Variants in PKHD1 observed in about 807,000 individuals in gnomAD.
PKHD1 encodes fibrocystin.
Under a neutral mutation model 412.0 loss-of-function variants are expected in PKHD1, and 291 were observed. The ratio of observed to expected loss-of-function variants is 0.71; its 90% CI spans 0.64 to 0.78. The LOEUF is 0.78. Among genes scored for constraint, PKHD1 ranks in the 30% least tolerant of loss-of-function variants. PKHD1 has a pLI of 0.00. For synonymous variants in PKHD1, 1,777 were observed against 1,821.5 expected, an observed-to-expected ratio of 0.98 and a Z score of 0.62; for missense variants, 4,825 against 4,950.7, an observed-to-expected ratio of 0.97 and a Z score of 0.76.
At chr6:51,730,290 C>A (rs1319043301) in intron 60 of PKHD1, among the ~76,000 whole-genome samples, 12 of 152,076 alleles carry the variant, frequency 7.9e-5, no homozygotes, top group Non-Finnish European at 1.8e-4. Flanking sequence ...AGAAGTATCC[C>A]TGTAACTCTA....
chr6:51,682,095 G>C, intron 60 of PKHD1: 1 of 376,788 alleles, frequency 2.7e-6, no homozygotes, highest in Non-Finnish European at 5.4e-6. Flanking sequence ...CAGCATCAGG[G>C]TAGACTAGGT....
chr6:51,769,704 G>A (rs940326355), intron 55 of PKHD1, among the ~76,000 whole-genome samples: 19 of 150,330 alleles, frequency 1.3e-4, no homozygotes, highest in African/African-American at 4.4e-4. Context: ...AATCTTCTTT[G>A]TTTAGAAGAA....
chr6:51,688,210 T>C (rs1044571083), intron 60 of PKHD1, among the ~76,000 whole-genome samples: 1 of 152,230 alleles, frequency 6.6e-6, no homozygotes, highest in East Asian at 1.9e-4. Context: ...CTTCACAGAA[T>C]GAATCAGTAC....
intron 37 of PKHD1, among the ~76,000 whole-genome samples, chr6:51,918,344 C>T (rs927944737): frequency 2.0e-5 from 3 of 152,052 alleles, no homozygotes; most frequent in African/African-American, 7.2e-5. Flanking sequence ...GCTCTCTTTC[C>T]CCTTGCCCCC....
At chr6:51,807,501 G>A (rs1157361023) in intron 52 of PKHD1, among the ~76,000 whole-genome samples, 1 of 145,924 alleles carries the variant, frequency 6.9e-6, no homozygotes, top group East Asian at 2.0e-4. Context: ...GTGTGTGTGT[G>A]TGTGTGTGTG....
chr6:51,986,462 T>G (rs1175622155), intron 35 of PKHD1, among the ~76,000 whole-genome samples: 2 of 152,218 alleles, frequency 1.3e-5, no homozygotes, highest in Non-Finnish European at 2.9e-5. Flanking sequence ...AGACTTGCAG[T>G]CTGACAGCAA....
intron 63 of PKHD1, among the ~76,000 whole-genome samples, chr6:51,643,102 A>T (rs890841159): frequency 3.3e-5 from 5 of 152,214 alleles, no homozygotes; most frequent in African/African-American, 4.8e-5. Flanking sequence ...TAAGATCAGA[A>T]GGTGAGTGAC....
chr6:51,844,335 C>T (rs1426141267), intron 50 of PKHD1, among the ~76,000 whole-genome samples: 1 of 152,226 alleles, frequency 6.6e-6, no homozygotes, highest in Admixed American at 6.5e-5. Flanking sequence ...TCCAAAAAAA[C>T]TGCACTCCGT....
At chr6:51,947,329 CA>C (rs1401340501) in intron 36 of PKHD1, among the ~76,000 whole-genome samples, 1 of 152,192 alleles carries the variant, frequency 6.6e-6, no homozygotes. Flanking sequence ...ATACTTCTAT[CA>C]AATTTTCATC....
intron 60 of PKHD1, among the ~76,000 whole-genome samples, chr6:51,684,991 T>C (rs977973840): frequency 2.6e-5 from 4 of 152,142 alleles, no homozygotes; most frequent in African/African-American, 7.2e-5. Context: ...ATATCCATCA[T>C]TGGGAAGTTT....
intron 53 of PKHD1, among the ~76,000 whole-genome samples, chr6:51,776,673 C>T (rs972047024): frequency 6.6e-6 from 1 of 151,978 alleles, no homozygotes; most frequent in Admixed American, 6.6e-5. Context: ...CTAAATTGAT[C>T]CAACTATTAA....
chr6:52,022,907 C>T lies in PKHD1; in HGVS notation c.5274G>A (p.Ala1758=), dbSNP rs1343734998. The T allele has an allele frequency of 6.2e-7, 1 of 1,614,052 alleles. No homozygotes were observed. The highest frequency in any genetic ancestry group is 8.5e-7 in the Non-Finnish European group (1 of 1,180,004). ...LGGRLVHVFG[A]GFSPGNVSAA... Reference sequence around the variant, plus strand: ...CTGAGACATTCCCTGGAGAAAATCCCGCTCCAAACACATGCACCAGCCTTC... The same window carrying T: ...CTGAGACATTCCCTGGAGAAAATCCTGCTCCAAACACATGCACCAGCCTTC... Residue 1758 remains alanine, a synonymous_variant, in exon 33 of 67, where the codon GCG becomes GCA. Transcript: ENST00000371117.
intron 50 of PKHD1, among the ~76,000 whole-genome samples, chr6:51,841,787 T>C (rs963625368): frequency 2.0e-5 from 3 of 152,152 alleles, no homozygotes; most frequent in Non-Finnish European, 4.4e-5. Flanking sequence ...AGGAATTATT[T>C]TCCAGGATTT....
At chr6:51,662,752 G>A (rs1773071189) in intron 60 of PKHD1, among the ~76,000 whole-genome samples, 1 of 151,734 alleles carries the variant, frequency 6.6e-6, no homozygotes, top group Non-Finnish European at 1.5e-5. Context: ...TATCATTACA[G>A]ATTCTGCAGA....
At chr6:51,799,136 A>T (rs1795025101) in intron 52 of PKHD1, among the ~76,000 whole-genome samples, 1 of 149,248 alleles carries the variant, frequency 6.7e-6, no homozygotes. Context: ...TATTTAACCC[A>T]TAATAGATGG....
chr6:51,830,654 G>A (rs544878758), intron 52 of PKHD1, among the ~76,000 whole-genome samples: 1 of 152,194 alleles, frequency 6.6e-6, no homozygotes, highest in East Asian at 1.9e-4. Flanking sequence ...TTTTAATGAA[G>A]ATATGCTAGG....
intron 50 of PKHD1, among the ~76,000 whole-genome samples, chr6:51,844,956 G>A (rs533189856): frequency 3.8e-4 from 58 of 152,242 alleles, no homozygotes; most frequent in Non-Finnish European, 7.5e-4. Context: ...AGACTATGTG[G>A]TCTTGACTTA....
chr6:51,678,137 G>A (rs1386131789), intron 60 of PKHD1, among the ~76,000 whole-genome samples: 2 of 152,098 alleles, frequency 1.3e-5, no homozygotes, highest in African/African-American at 2.4e-5. Flanking sequence ...ACAGCTTAGC[G>A]AGTGGGAGAT....
chr6:51,654,476 C>G (rs907910864), intron 61 of PKHD1, among the ~76,000 whole-genome samples: 7 of 151,984 alleles, frequency 4.6e-5, no homozygotes, highest in African/African-American at 1.7e-4. Context: ...TGTAAGCTTT[C>G]AAGAGTCTAT....
Sources: allele counts gnomAD v4.1 joint callset (sites outside exome capture counted in the v4.1 genomes callset), GRCh38; gene constraint gnomAD v4.1.1; transcripts MANE v1.5; gene names NCBI Gene and HGNC (gene_info 2026-07-23, HGNC 2026-07-21).